MIER1: variants seen among roughly 807,000 people sequenced by gnomAD.
MIER1 encodes the protein MIER1 transcriptional regulator.
Under a neutral mutation model 75.7 loss-of-function variants are expected in MIER1, and 40 were observed. That is an observed-to-expected ratio of 0.53 (90% CI 0.41 to 0.69). The LOEUF is 0.69. MIER1 is among the 30% of genes least tolerant of loss of function. MIER1 has a pLI of 0.00. For synonymous variants in MIER1, 213 were observed against 223.4 expected (o/e 0.95, Z 0.42); for missense variants, 574 against 680.2 (o/e 0.84, Z 1.74).
chr1:66,981,612 G>C (rs1009440549), intron 12 of MIER1, among the ~76,000 whole-genome samples, 167 bp from the exon 13 acceptor site: 1 of 152,094 alleles, frequency 6.6e-6, no homozygotes, highest in African/African-American at 2.4e-5. Context: ...TAACCAAAAG[G>C]AGCTTTTCAT....
chr1:66,938,469 A>C (rs1655436854), intron 2 of MIER1, among the ~76,000 whole-genome samples: 4 of 152,222 alleles, frequency 2.6e-5, no homozygotes, highest in Admixed American at 1.3e-4. Flanking sequence ...TTGTGCCTAC[A>C]GTTGGGAAGT....
At chr1:66,946,697 A>G in intron 4 of MIER1, 1 of 987,830 alleles carries the variant, frequency 1.0e-6, no homozygotes. Flanking sequence ...AAAGTGCTCT[A>G]GATTATCTCC....
rs1013518886 is a variant in MIER1 at position 66,986,086 on chromosome 1, C to T, written c.*1186C>T. On this transcript the variant is annotated 3_prime_UTR_variant, in exon 14 of 14. Transcript: ENST00000401041. The stretch of plus-strand genomic sequence containing the variant: ...GGGTCAAGTGATACTTAGATATTGG[C>T]ACACACAAGGAACAACTGTTGGCAG... 3 of 1,050,496 alleles carry T rather than the reference C, an allele frequency of 2.9e-6. No individual in the cohort carries two copies. The highest frequency in any genetic ancestry group is 3.7e-5 in the South Asian group (1 of 26,860). The allele number at this position is 1,050,496 out of a possible 1,614,324, so 65.1% of individuals were successfully genotyped here. A position where few individuals can be genotyped will look rare whatever the true frequency, so the allele number is the denominator to read the frequency against.
At chr1:66,941,718 C>T (rs1181622720) in intron 3 of MIER1, among the ~76,000 whole-genome samples, 1 of 152,128 alleles carries the variant, frequency 6.6e-6, no homozygotes, top group Non-Finnish European at 1.5e-5. Context: ...TGCCTGTAAT[C>T]CCAACACTTT....
Position 66,956,733 on chromosome 1 carries a change from C to G in MIER1, c.340-1326C>G, listed in dbSNP as rs148366560. 9.2e-5 allele frequency among the ~76,000 whole-genome samples: 14 copies of G among 152,318 alleles called. No individual in the cohort carries two copies. The East Asian group carries it at 2.7e-3, about 29-fold the overall frequency. ...ATTAGGGGTCTTGGAATTGATTTAT[C>G]TTTCAGAAATAGATTCACAAACTCA... On this transcript the variant is annotated intron_variant, in intron 4 of 13. Transcript: ENST00000401041.
At chr1:66,933,035 C>T (rs140328682) in intron 2 of MIER1, among the ~76,000 whole-genome samples, 1,722 of 152,114 alleles carry the variant, frequency 0.011, 39 homozygotes, top group African/African-American at 0.04. Flanking sequence ...ACATTAAAGC[C>T]GTATTTAATG....
intron 12 of MIER1, among the ~76,000 whole-genome samples, chr1:66,977,195 C>T (rs1480873620): frequency 2.0e-5 from 3 of 151,954 alleles, no homozygotes; most frequent in African/African-American, 4.8e-5. Flanking sequence ...CTGCAGCCTC[C>T]GTCTCCCGGC....
chr1:66,938,550 G>T (rs1655459897), intron 2 of MIER1, among the ~76,000 whole-genome samples: 1 of 152,124 alleles, frequency 6.6e-6, no homozygotes, highest in Non-Finnish European at 1.5e-5. Context: ...TTGTGTGGTG[G>T]TTAACTCCAT....
At chr1:66,942,912 C>A (rs2101363466) in intron 3 of MIER1, among the ~76,000 whole-genome samples, 1 of 152,250 alleles carries the variant, frequency 6.6e-6, no homozygotes, top group South Asian at 2.1e-4. Flanking sequence ...ACAACACATG[C>A]TTTGATGCTA....
chr1:66,963,200 T>G, intron 8 of MIER1, 40 bp downstream of exon 8: 2 of 1,244,032 alleles, frequency 1.6e-6, no homozygotes, highest in Non-Finnish European at 2.4e-6. Context: ...ATTTATGCTT[T>G]CAGTGTAATG....
Position 66,976,656 on chromosome 1 carries a change from G to C in MIER1, c.1163G>C (p.Arg388Pro). 2 of 1,606,940 alleles carry C rather than the reference G, an allele frequency of 1.2e-6. No individual in the cohort carries two copies. Among genetic ancestry groups the C allele is most frequent in the Non-Finnish European group, 1.7e-6 (2 of 1,176,726 alleles). The change falls in exon 12 of 14, where the codon CGT becomes CCT. Residue 388 changes from arginine (R) to proline (P), a missense_variant. Physicochemically the swap from Arg to Pro is moderately radical, Grantham distance 103 (BLOSUM62 -2). Coordinates refer to ENST00000401041, the MANE Select transcript of MIER1 (RefSeq NM_001077700.3). ...TATTACATGTGGAAAAAATCTGAACGTTATGATTTCTTTGCTCAGCAAACA... is the reference window on the plus strand; with the variant it reads ...TATTACATGTGGAAAAAATCTGAACCTTATGATTTCTTTGCTCAGCAAACA... ...AFYYMWKKSE[R>P]YDFFAQQTRF...
chr1:66,966,372 T>A (rs1662406917), intron 8 of MIER1, among the ~76,000 whole-genome samples: 1 of 152,206 alleles, frequency 6.6e-6, no homozygotes, highest in Non-Finnish European at 1.5e-5. Context: ...AACTCCTCCT[T>A]TTTGATGGCT....
chr1:66,958,331 T>C (rs1660581316), intron 5 of MIER1, 111 bp downstream of exon 5: 16 of 728,910 alleles, frequency 2.2e-5, no homozygotes, highest in Non-Finnish European at 3.1e-5. Context: ...ATTTTAAAAG[T>C]GTTAAAAATT....
rs191454962 is a variant in MIER1 at position 66,929,318 on chromosome 1, C to T, written c.168+3076C>T. Reference sequence around the variant, plus strand: ...ACCCTTGAAGATTAGGAAAAAAATCCCAGTCTTTTGAAATAAAGACTTTCA... The same window carrying T: ...ACCCTTGAAGATTAGGAAAAAAATCTCAGTCTTTTGAAATAAAGACTTTCA... On this transcript the variant is annotated intron_variant, in intron 2 of 13. Transcript: ENST00000401041. 8.8e-4 allele frequency among the ~76,000 whole-genome samples: 134 copies of T among 152,256 alleles called. 1 individual carries two copies. Among genetic ancestry groups the T allele is most frequent in the Non-Finnish European group, 1.4e-3 (93 of 68,004 alleles).
chr1:66,983,065 G>T (rs1393613032), intron 13 of MIER1, among the ~76,000 whole-genome samples: 1 of 152,160 alleles, frequency 6.6e-6, no homozygotes, highest in Non-Finnish European at 1.5e-5. Context: ...ATGAGAACAT[G>T]CTGTTAGGCT....
intron 8 of MIER1, 51 bp from the exon 9 acceptor site, chr1:66,970,757 A>G: frequency 7.3e-7 from 1 of 1,368,110 alleles, no homozygotes; most frequent in Non-Finnish European, 9.8e-7. Context: ...TTTTAACACA[A>G]ACTCTATCAG....
At chr1:66,971,057 A>G (rs1663495395) in intron 9 of MIER1, 98 bp downstream of exon 9, 1 of 1,124,590 alleles carries the variant, frequency 8.9e-7, no homozygotes, top group Admixed American at 3.0e-5. Context: ...CAAACTTTTT[A>G]TAACATTATT....
chr1:66,934,513 A>G (rs536673339), intron 2 of MIER1, among the ~76,000 whole-genome samples: 153 of 148,980 alleles, frequency 1.0e-3, no homozygotes, highest in African/African-American at 2.6e-3. Context: ...CAGGTGATCA[A>G]TCCTTCCCTC....
Position 66,972,926 on chromosome 1 carries a change from T to A in MIER1, c.1036T>A (p.Cys346Ser). 2 of 1,604,850 alleles carry A rather than the reference T, an allele frequency of 1.2e-6. No homozygotes were observed. Among genetic ancestry groups the A allele is most frequent in the Non-Finnish European group, 1.7e-6 (2 of 1,172,260 alleles). The change falls in exon 11 of 14, where the codon TGT becomes AGT. Residue 346 changes from cysteine (C) to serine (S), a missense_variant. Around this residue, in one of 3 missense-constraint regions of MIER1, gnomAD observed 101 missense variants for 173.1 expected, o/e 0.58. Transcript: ENST00000401041. The part of the protein sequence containing the change: ...EELSVWTEEE[C>S]RNFEQGLKAY... Reference sequence around the variant, plus strand: ...ATTATCTGTTTGGACAGAGGAAGAGTGTAGAAATTTTGAACAAGGGCTGAA... The same window carrying A: ...ATTATCTGTTTGGACAGAGGAAGAGAGTAGAAATTTTGAACAAGGGCTGAA...
Sources: gnomAD v4.1 joint callset for allele counts (sites outside exome capture counted in the v4.1 genomes callset) on GRCh38, gnomAD v4.1.1 for gene constraint, gnomAD v4.1.1 regional missense constraint, MANE v1.5 for transcripts, NCBI Gene and HGNC (gene_info 2026-07-23, HGNC 2026-07-21) for gene names.